ARFGAP3: variants seen among roughly 807,000 people sequenced by gnomAD.
ARFGAP3 encodes ARF GTPase activating protein 3, also known as ADP-ribosylation factor GTPase-activating protein 3.
A neutral mutation model predicts 75.0 loss-of-function variants in ARFGAP3; 72 were observed. The observed-to-expected ratio is 0.96, with a 90% CI of 0.79 to 1.17. The LOEUF (loss-of-function observed/expected upper bound fraction) is 1.17, where lower values mean the gene tolerates loss of function less well. Ranked by LOEUF, ARFGAP3 falls within the 50% of genes most tolerant of loss-of-function variation. The pLI is 0.00. For synonymous variants in ARFGAP3, 221 were observed against 217.9 expected, an observed-to-expected ratio of 1.01 and a Z score of -0.13; for missense variants, 620 against 626.6, an observed-to-expected ratio of 0.99 and a Z score of 0.11.
Position 42,835,434 on chromosome 22 carries a change from A to T in ARFGAP3, c.321T>A (p.Ser107Arg). 6.2e-7 allele frequency: 1 copy of T among 1,614,154 alleles called. No homozygotes were observed. The highest frequency in any genetic ancestry group is 8.5e-7 in the Non-Finnish European group (1 of 1,180,014). Residue 107 changes from serine to arginine, a missense_variant, in exon 4 of 16, where the codon AGT becomes AGA. Physicochemically the swap from Ser to Arg is moderately radical, Grantham distance 110 (BLOSUM62 -1). Coordinates refer to ENST00000263245, the MANE Select transcript of ARFGAP3 (RefSeq NM_014570.5). ...STNDTNAKYN[S>R]RAAQLYREKI... Reference sequence around the variant, plus strand: ...TCTCCCTATAGAGCTGAGCAGCACGACTGTTGTACTTGGCATTGGTGTCAT... The same window carrying T: ...TCTCCCTATAGAGCTGAGCAGCACGTCTGTTGTACTTGGCATTGGTGTCAT...
chr22:42,851,857 TG>T, intron 1 of ARFGAP3, among the ~76,000 whole-genome samples: 1 of 152,278 alleles, frequency 6.6e-6, no homozygotes, highest in East Asian at 1.9e-4. Flanking sequence ...TAATATTGAG[TG>T]TTTAATTCAG....
intron 2 of ARFGAP3, 165 bp from the exon 3 acceptor site, chr22:42,841,181 G>T: frequency 1.1e-6 from 1 of 901,414 alleles, no homozygotes; most frequent in Non-Finnish European, 1.3e-6. Context: ...CAGAGTGGAT[G>T]ATGGTTGGCG....
At chr22:42,816,984 A>G (rs764511091) in intron 11 of ARFGAP3, among the ~76,000 whole-genome samples, 158 bp downstream of exon 11, 9 of 152,138 alleles carry the variant, frequency 5.9e-5, no homozygotes, top group Non-Finnish European at 1.3e-4. Context: ...ACGTTTCTCT[A>G]ATTTTTACTC....
chr22:42,856,709 G>T (rs1927516658), intron 1 of ARFGAP3, among the ~76,000 whole-genome samples: 2 of 152,126 alleles, frequency 1.3e-5, no homozygotes, highest in African/African-American at 4.8e-5. Context: ...GGTGGCGCTG[G>T]GGGAGCCGCG....
chr22:42,821,967 T>C (rs887375946), intron 9 of ARFGAP3, among the ~76,000 whole-genome samples: 1 of 152,304 alleles, frequency 6.6e-6, no homozygotes, highest in African/African-American at 2.4e-5. Context: ...TTGATTTGCA[T>C]TTCCCCAACT....
chr22:42,820,032 AG>A (rs1925743735), intron 9 of ARFGAP3, among the ~76,000 whole-genome samples: 1 of 152,318 alleles, frequency 6.6e-6, no homozygotes, highest in Non-Finnish European at 1.5e-5. Flanking sequence ...TCCTGTTTTC[AG>A]GAAGATTAGC....
rs1419390626 is a variant in ARFGAP3 at position 42,857,140 on chromosome 22, G to A, written c.43C>T (p.Arg15Cys). 3.3e-6 allele frequency: 5 copies of A among 1,515,934 alleles called. No individual in the cohort carries two copies. The Admixed American group carries it at 8.4e-5, about 26-fold the overall frequency. 93.9% of individuals were successfully genotyped at this position (1,515,934 alleles called of 1,614,324 possible). ...TTGTTAGTGGGCACCGAGCGGAGGC[G>A]CTTGAAGATGGTCAAGATGTCCTGC... ...SKQDILTIFK[R>C]LRSVPTNKVC... Residue 15 changes from arginine (R) to cysteine (C), a missense_variant, in exon 1 of 16, where the codon CGC becomes TGC. Arg to Cys is a radical substitution (Grantham distance 180). Coordinates refer to ENST00000263245, the MANE Select transcript of ARFGAP3 (RefSeq NM_014570.5).
chr22:42,807,736 C>T (rs904279514), intron 13 of ARFGAP3, among the ~76,000 whole-genome samples: 6 of 152,078 alleles, frequency 3.9e-5, no homozygotes, highest in African/African-American at 2.4e-5. Context: ...GTAAACCTCC[C>T]CACTTCCACT....
chr22:42,820,247 T>C (rs1925753571), intron 9 of ARFGAP3, among the ~76,000 whole-genome samples: 1 of 152,208 alleles, frequency 6.6e-6, no homozygotes, highest in Non-Finnish European at 1.5e-5. Flanking sequence ...AACCTTTCCC[T>C]TTGCCAGGGT....
intron 14 of ARFGAP3, among the ~76,000 whole-genome samples, chr22:42,800,933 C>G (rs1924827011): frequency 6.6e-6 from 1 of 151,216 alleles, no homozygotes; most frequent in Non-Finnish European, 1.5e-5. Flanking sequence ...CTATCTTTTC[C>G]CAGAACACCC....
chr22:42,819,842 C>T (rs535630918), intron 9 of ARFGAP3, among the ~76,000 whole-genome samples: 6 of 152,338 alleles, frequency 3.9e-5, no homozygotes, highest in East Asian at 1.9e-4. Flanking sequence ...GTACTTTCTA[C>T]GGGTTTGAGT....
At chr22:42,835,271 G>A in intron 4 of ARFGAP3, 91 bp downstream of exon 4, 1 of 1,440,900 alleles carries the variant, frequency 6.9e-7, no homozygotes, top group African/African-American at 1.4e-5. Flanking sequence ...GACAACTCAG[G>A]TAGAAAAGTT....
chr22:42,818,679 C>T (rs972687395), intron 9 of ARFGAP3, among the ~76,000 whole-genome samples: 1 of 151,692 alleles, frequency 6.6e-6, no homozygotes, highest in African/African-American at 2.4e-5. Context: ...ATCTATCTAA[C>T]TTACAAGGAT....
Position 42,857,235 on chromosome 22 carries a change from G to A in ARFGAP3, c.-53C>T. ...GCCCAGCCAACCGGTAAGAGTCGACGAAAAGCGGCTACCGCCTCAGCAGGA... is the reference window on the plus strand; with the variant it reads ...GCCCAGCCAACCGGTAAGAGTCGACAAAAAGCGGCTACCGCCTCAGCAGGA... On this transcript the variant is annotated 5_prime_UTR_variant, in exon 1 of 16. Coordinates refer to ENST00000263245, the MANE Select transcript of ARFGAP3 (RefSeq NM_014570.5). 2 of 1,489,520 alleles carry A rather than the reference G, an allele frequency of 1.3e-6. No individual in the cohort carries two copies. The highest frequency in any genetic ancestry group is 9.0e-7 in the Non-Finnish European group (1 of 1,115,396). The allele number at this position is 1,489,520 out of a possible 1,614,324, so 92.3% of individuals were successfully genotyped here.
chr22:42,856,443 C>A (rs1927503182), intron 1 of ARFGAP3, among the ~76,000 whole-genome samples: 1 of 152,164 alleles, frequency 6.6e-6, no homozygotes, highest in Admixed American at 6.5e-5. Flanking sequence ...CACCCCAACG[C>A]CTCCAGCCAG....
chr22:42,851,276 A>C (rs1263504771), intron 1 of ARFGAP3, among the ~76,000 whole-genome samples: 1 of 152,226 alleles, frequency 6.6e-6, no homozygotes, highest in Non-Finnish European at 1.5e-5. Context: ...TTTTTGGTAG[A>C]GGTGATGGCA....
chr22:42,854,423 G>A, intron 1 of ARFGAP3, among the ~76,000 whole-genome samples: 1 of 152,152 alleles, frequency 6.6e-6, no homozygotes, highest in East Asian at 1.9e-4. Flanking sequence ...TCAGGAGTTT[G>A]AGACCAGCCT....
intron 9 of ARFGAP3, among the ~76,000 whole-genome samples, chr22:42,822,021 T>G (rs1925832842): frequency 6.6e-6 from 1 of 152,168 alleles, no homozygotes; most frequent in Non-Finnish European, 1.5e-5. Flanking sequence ...CCTCCATGCA[T>G]CTCTGTCTTT....
At chr22:42,804,376 A>ATTTTTTTTTTTTTTTTTTTT (rs1169858932) in intron 14 of ARFGAP3, among the ~76,000 whole-genome samples, 1 of 74,478 alleles carries the variant, frequency 1.3e-5, no homozygotes, top group African/African-American at 6.0e-5. Flanking sequence ...CACCCAGCTA[A>ATTTTTTTTTTTTTTTTTTTT]TTTTTTTTTT....
Sources: allele counts gnomAD v4.1 joint callset (sites outside exome capture counted in the v4.1 genomes callset), GRCh38; gene constraint gnomAD v4.1.1; transcripts MANE v1.5; gene names NCBI Gene and HGNC (gene_info 2026-07-23, HGNC 2026-07-21).